CCBE1: variants seen among roughly 807,000 people sequenced by gnomAD.
The protein encoded by CCBE1 is collagen and calcium binding EGF domains 1.
A neutral mutation model predicts 50.0 loss-of-function variants in CCBE1; 37 were observed. That is an observed-to-expected ratio of 0.74 (90% CI 0.57 to 0.97). The LOEUF is 0.97. Among genes scored for constraint, CCBE1 ranks in the 50% least tolerant of loss-of-function variants. The pLI is 0.00. For missense variants in CCBE1, 538 were observed against 523.8 expected, an observed-to-expected ratio of 1.03 and a Z score of -0.26; for synonymous variants, 234 against 203.7, an observed-to-expected ratio of 1.15 and a Z score of -1.27.
At chr18:59,612,746 T>G (rs2053587602) in intron 2 of CCBE1, among the ~76,000 whole-genome samples, 1 of 151,752 alleles carries the variant, frequency 6.6e-6, no homozygotes, top group Admixed American at 6.6e-5. Context: ...CAGACAATTC[T>G]TACAACTGGC....
intron 2 of CCBE1, among the ~76,000 whole-genome samples, chr18:59,649,734 T>C (rs1427952451): frequency 6.6e-6 from 1 of 152,240 alleles, no homozygotes; most frequent in East Asian, 1.9e-4. Context: ...TTTTCATTCC[T>C]GTCTCACAAC....
At chr18:59,605,985 T>C (rs547060020) in intron 2 of CCBE1, among the ~76,000 whole-genome samples, 41 of 152,264 alleles carry the variant, frequency 2.7e-4, no homozygotes, top group African/African-American at 9.6e-4. Context: ...GTCCGAACTG[T>C]AGATTTCTGC....
At chr18:59,476,768 T>C (rs1912324764) in intron 3 of CCBE1, among the ~76,000 whole-genome samples, 1 of 152,248 alleles carries the variant, frequency 6.6e-6, no homozygotes, top group Non-Finnish European at 1.5e-5. Flanking sequence ...TAGTGCTACA[T>C]GTCAACTTGG....
chr18:59,644,525 A>G (rs941939554), intron 2 of CCBE1, among the ~76,000 whole-genome samples: 4 of 152,358 alleles, frequency 2.6e-5, no homozygotes, highest in Non-Finnish European at 2.9e-5. Flanking sequence ...AATTTTTTCC[A>G]GTCACACTTA....
chr18:59,597,444 C>G (rs560635746), intron 2 of CCBE1, among the ~76,000 whole-genome samples: 161 of 152,270 alleles, frequency 1.1e-3, no homozygotes, highest in African/African-American at 3.1e-3. Flanking sequence ...CCTATTTAAT[C>G]TTTACAGCAA....
intron 2 of CCBE1, among the ~76,000 whole-genome samples, chr18:59,567,751 C>T (rs1218859126): frequency 1.3e-5 from 2 of 152,138 alleles, no homozygotes; most frequent in African/African-American, 2.4e-5. Flanking sequence ...TGACTTTGCT[C>T]ACTACCACCA....
chr18:59,511,016 T>C (rs1914109765), intron 2 of CCBE1, among the ~76,000 whole-genome samples: 1 of 152,196 alleles, frequency 6.6e-6, no homozygotes, highest in African/African-American at 2.4e-5. Context: ...TGGAAGGACC[T>C]AGAGCCTATG....
chr18:59,683,334 A>G (rs1337715849), intron 2 of CCBE1, among the ~76,000 whole-genome samples: 1 of 152,244 alleles, frequency 6.6e-6, no homozygotes, highest in Non-Finnish European at 1.5e-5. Flanking sequence ...CTAGCAAATG[A>G]ACACAACTCC....
chr18:59,477,607 T>C (rs1439357856), intron 3 of CCBE1, among the ~76,000 whole-genome samples: 1 of 152,168 alleles, frequency 6.6e-6, no homozygotes, highest in African/African-American at 2.4e-5. Flanking sequence ...TCTTTTATCT[T>C]CTTATCATAT....
chr18:59,529,222 C>G (rs1914951794), intron 2 of CCBE1, among the ~76,000 whole-genome samples: 1 of 152,216 alleles, frequency 6.6e-6, no homozygotes, highest in Admixed American at 6.5e-5. Flanking sequence ...GGGTCAGGGT[C>G]CAGCCCAAAG....
intron 2 of CCBE1, among the ~76,000 whole-genome samples, chr18:59,518,643 C>A (rs113984658): frequency 6.6e-6 from 1 of 152,112 alleles, no homozygotes; most frequent in Non-Finnish European, 1.5e-5. Context: ...ACATGCGACA[C>A]GTGGATGAAG....
rs1014291856 is a variant in CCBE1, at chr18:59,477,281, TCAG to T, written c.265+2902_265+2904del. ...ATTGTCACACCCTGTGATTAAAAAG[TCAG>T]CAGAAGACAACAACTCAATTCAGGC... On this transcript the variant is annotated intron_variant, in intron 3 of 10. Coordinates refer to ENST00000439986, the MANE Select transcript of CCBE1 (RefSeq NM_133459.4). Among the ~76,000 whole-genome samples the T allele has an allele frequency of 1.5e-3, 229 of 152,250 alleles. 1 individual carries two copies. The highest frequency in any genetic ancestry group is 4.8e-3 in the African/African-American group (198 of 41,544).
At chr18:59,677,061 G>A (rs1341309205) in intron 2 of CCBE1, among the ~76,000 whole-genome samples, 2 of 152,148 alleles carry the variant, frequency 1.3e-5, no homozygotes, top group African/African-American at 4.8e-5. Flanking sequence ...AGATGCCATA[G>A]AAGGATTTTA....
At chr18:59,609,662 T>G (rs1251413652) in intron 2 of CCBE1, among the ~76,000 whole-genome samples, 1 of 152,252 alleles carries the variant, frequency 6.6e-6, no homozygotes, top group Non-Finnish European at 1.5e-5. Context: ...TCTTTACTCA[T>G]GATCAGTTTC....
intron 2 of CCBE1, among the ~76,000 whole-genome samples, chr18:59,562,430 A>C (rs983472947): frequency 4.6e-5 from 7 of 152,208 alleles, no homozygotes; most frequent in African/African-American, 1.4e-4. Context: ...AACCAGCTGC[A>C]CAGAGAGAGG....
chr18:59,570,725 G>T (rs149474268), intron 2 of CCBE1, among the ~76,000 whole-genome samples: 4 of 152,184 alleles, frequency 2.6e-5, no homozygotes, highest in Non-Finnish European at 1.5e-5. Flanking sequence ...GCTCATTAAC[G>T]TGATATTAAA....
chr18:59,696,618 C>T lies in CCBE1; in HGVS notation c.212+11G>A. 2.5e-6 allele frequency: 4 copies of T among 1,613,690 alleles called. No homozygotes were observed. Among genetic ancestry groups the T allele is most frequent in the South Asian group, 1.1e-5 (1 of 91,072 alleles). On this transcript the variant is annotated intron_variant, in intron 2 of 10. Coordinates refer to ENST00000439986, the MANE Select transcript of CCBE1 (RefSeq NM_133459.4). ...GCAGTGGCGAACAGCCCGCAGAGCC[C>T]CCAGGCTTACCTGTAGCATGTGGTG... is the stretch of plus-strand genomic sequence containing the variant.
At chr18:59,513,587 A>T (rs1430683416) in intron 2 of CCBE1, among the ~76,000 whole-genome samples, 1 of 152,218 alleles carries the variant, frequency 6.6e-6, no homozygotes, top group Non-Finnish European at 1.5e-5. Context: ...AGTTCCATCA[A>T]GGAAGACAGG....
intron 2 of CCBE1, among the ~76,000 whole-genome samples, chr18:59,670,018 G>A (rs1273072465): frequency 1.3e-5 from 2 of 151,988 alleles, no homozygotes; most frequent in African/African-American, 4.8e-5. Flanking sequence ...TTTTTCTCGT[G>A]TAAACAGCAC....
Sources: gnomAD v4.1 joint callset for allele counts (sites outside exome capture counted in the v4.1 genomes callset) on GRCh38, gnomAD v4.1.1 for gene constraint, MANE v1.5 for transcripts, NCBI Gene and HGNC (gene_info 2026-07-23, HGNC 2026-07-21) for gene names.